GRIP2: variants seen among roughly 807,000 people sequenced by gnomAD.
GRIP2 encodes glutamate receptor-interacting protein 2.
GRIP2 carries 58 observed loss-of-function variants against 108.3 expected under a neutral mutation model. The ratio of observed to expected loss-of-function variants is 0.54; its 90% CI spans 0.43 to 0.67. GRIP2 has a LOEUF of 0.67. Ranked by LOEUF, GRIP2 falls within the 30% of genes least tolerant of loss-of-function variation. The pLI is 0.00. For synonymous variants in GRIP2, 586 were observed against 598.2 expected (o/e 0.98, Z 0.30); for missense variants, 1,278 against 1,430.6 (o/e 0.89, Z 1.72).
the GRIP2 span, among the ~76,000 whole-genome samples, chr3:14,586,809 C>G: frequency 7.1e-3 from 1,085 of 152,264 alleles, 14 homozygotes; most frequent in African/African-American, 0.024. Context: ...CATGGGGGAA[C>G]AGGTAAATAA....
intron 19 of GRIP2, among the ~76,000 whole-genome samples, 191 bp downstream of exon 19, chr3:14,506,610 T>C (rs940384940): frequency 5.3e-5 from 8 of 152,192 alleles, no homozygotes; most frequent in African/African-American, 1.7e-4. Context: ...CAGTCCATGC[T>C]TCCAGGAGCA....
At chr3:14,552,374 G>T (rs2124980897) in intron 1 of GRIP2, among the ~76,000 whole-genome samples, 1 of 152,340 alleles carries the variant, frequency 6.6e-6, no homozygotes, top group African/African-American at 2.4e-5. Context: ...AAGGACAGGG[G>T]TTTGTGTCTG....
Position 14,522,124 on chromosome 3 carries a change from C to T in GRIP2, c.567-337G>A, listed in dbSNP as rs73031893. 181 of 266,702 alleles carry T rather than the reference C, an allele frequency of 6.8e-4. 1 individual carries two copies. Among genetic ancestry groups the T allele is most frequent in the South Asian group, 1.7e-3 (23 of 13,154 alleles). 16.5% of individuals were successfully genotyped at this position (266,702 alleles called of 1,614,324 possible). On this transcript the variant is annotated intron_variant, in intron 6 of 23. Coordinates refer to ENST00000621039, the MANE Select transcript of GRIP2 (RefSeq NM_001080423.4). The surrounding 1 kb of genome is among the most constrained non-coding windows in gnomAD (Gnocchi z 4.3). ...TTCAAGCGTCACCCCCAACTCCTGC[C>T]TCAGGGACAAAGGACAGCACCAGGG... is the stretch of plus-strand genomic sequence containing the variant.
intron 20 of GRIP2, 131 bp from the exon 21 acceptor site, chr3:14,503,802 G>A: frequency 1.7e-6 from 1 of 603,416 alleles, no homozygotes; most frequent in Non-Finnish European, 2.9e-6. Flanking sequence ...CGGGCAGGCA[G>A]GCGGGCGTCC....
chr3:14,574,282 G>T, the GRIP2 span: 1 of 958,832 alleles, frequency 1.0e-6, no homozygotes, highest in Non-Finnish European at 1.7e-6. Flanking sequence ...TGGTTGTTGA[G>T]CCGTCCCACC....
In GRIP2 at chr3:14,517,115, G is replaced by T; in HGVS notation, c.1255C>A (p.Arg419=). The T allele has an allele frequency of 1.2e-6, 2 of 1,609,408 alleles. No individual in the cohort carries two copies. The highest frequency in any genetic ancestry group is 2.3e-5 in the East Asian group (1 of 44,358). The change falls in exon 11 of 24, where the codon CGA becomes AGA. Residue 419 remains arginine (R), a synonymous_variant. Coordinates refer to ENST00000621039, the MANE Select transcript of GRIP2 (RefSeq NM_001080423.4). The part of the protein sequence containing the change: ...LPRGSQPMSP[R]TTMGRRRQRR... ...TGCCTCCTCCGCCCCATTGTAGTTC[G>T]AGGACTCATGGGCTGGGATCCACGG...
intron 1 of GRIP2, among the ~76,000 whole-genome samples, chr3:14,549,248 A>G (rs1294039455): frequency 2.6e-5 from 4 of 152,268 alleles, no homozygotes; most frequent in South Asian, 4.1e-4. Context: ...CAATGCAGGA[A>G]TCCTCTCTGC....
chr3:14,506,813 A>C lies in GRIP2; in HGVS notation c.2386T>G (p.Phe796Val). The stretch of plus-strand genomic sequence containing the variant: ...CCCAAGGTATTACCTGGGCCCCCAA[A>C]GCCACCCTCGGTGGCCGAGCTGTCC... Reference protein sequence around the residue: ...SWDSSATEGGFGGPGSYTPQA... With the variant: ...SWDSSATEGGVGGPGSYTPQA... Residue 796 changes from phenylalanine to valine, a missense_variant, in exon 19 of 24, where the codon TTT becomes GTT. Phe to Val is a conservative substitution (Grantham distance 50, BLOSUM62 -1). Coordinates refer to ENST00000621039, the MANE Select transcript of GRIP2 (RefSeq NM_001080423.4). 1 of 1,599,968 alleles carries C rather than the reference A, an allele frequency of 6.3e-7. No individual in the cohort carries two copies. Among genetic ancestry groups the C allele is most frequent in the South Asian group, 1.1e-5 (1 of 88,688 alleles).
chr3:14,522,076 A>C lies in GRIP2; in HGVS notation c.567-289T>G. On this transcript the variant is annotated intron_variant, in intron 6 of 23. Coordinates refer to ENST00000621039, the MANE Select transcript of GRIP2 (RefSeq NM_001080423.4). This position sits in a 1 kb window ranked among gnomAD's most constrained non-coding sequence, Gnocchi z 4.3. ...TTCACAGACTCAGTGCAGAACCCTG[A>C]AATGTCTGAGCTGGGGGTGCTCTTC... 1 of 413,094 alleles carries C rather than the reference A, an allele frequency of 2.4e-6. No homozygotes were observed. Among genetic ancestry groups the C allele is most frequent in the South Asian group, 4.2e-5 (1 of 23,764 alleles). 25.6% of individuals were successfully genotyped at this position (413,094 alleles called of 1,614,324 possible).
At chr3:14,550,511 G>A (rs1018931906) in intron 1 of GRIP2, among the ~76,000 whole-genome samples, 49 of 152,182 alleles carry the variant, frequency 3.2e-4, no homozygotes, top group African/African-American at 1.1e-3. Flanking sequence ...CACCCTCCCC[G>A]CAGCGGCACC....
chr3:14,526,576 C>T (rs1051538353), intron 1 of GRIP2, among the ~76,000 whole-genome samples: 2 of 152,166 alleles, frequency 1.3e-5, no homozygotes, highest in Non-Finnish European at 2.9e-5. Context: ...GAAAGCGCTC[C>T]CTTGTGTTTC....
intron 1 of GRIP2, among the ~76,000 whole-genome samples, chr3:14,532,585 A>T (rs1457681174): frequency 6.6e-6 from 1 of 151,988 alleles, no homozygotes; most frequent in Non-Finnish European, 1.5e-5. Flanking sequence ...GGGGAACCAT[A>T]TCGCCCCCAA....
Position 14,523,476 on chromosome 3 carries a change from C to T in GRIP2, c.490+136G>A, listed in dbSNP as rs375002491. 1.0e-5 allele frequency: 7 copies of T among 668,062 alleles called. No individual in the cohort carries two copies. The East Asian group carries it at 1.1e-4, about 10-fold the overall frequency. 41.4% of individuals were successfully genotyped at this position (668,062 alleles called of 1,614,324 possible). ...GGCAGATTTTCCCACTGAATACTTA[C>T]CTTAACGGTCCTGTGTTCTTCAAAG... On this transcript the variant is annotated intron_variant, in intron 5 of 23. Transcript: ENST00000621039.
chr3:14,532,789 C>T (rs551900877), intron 1 of GRIP2, among the ~76,000 whole-genome samples: 3 of 151,582 alleles, frequency 2.0e-5, no homozygotes, highest in East Asian at 1.9e-4. Context: ...CGGGCCGGAT[C>T]CTGTAGAGTT....
intron 23 of GRIP2, among the ~76,000 whole-genome samples, chr3:14,494,388 A>G (rs1029229249): frequency 6.6e-6 from 1 of 152,278 alleles, no homozygotes; most frequent in African/African-American, 2.4e-5. Flanking sequence ...AGTGCCCAGT[A>G]CACGATGTCC....
At chr3:14,548,937 C>A (rs942245806) in intron 1 of GRIP2, among the ~76,000 whole-genome samples, 1 of 152,186 alleles carries the variant, frequency 6.6e-6, no homozygotes, top group African/African-American at 2.4e-5. Flanking sequence ...CAGTCTAATA[C>A]CCTCCACCCA....
At position 14,524,370 on chromosome 3, in the gene GRIP2, G is replaced by T. The variant is rs1269651951; in HGVS notation, c.403+23C>A. Reference sequence around the variant, plus strand: ...ACCCGCAACCGAGGCAGTGGAGAAAGTTCCCCGTCCAAGGGCACCCACCGG... The same window carrying T: ...ACCCGCAACCGAGGCAGTGGAGAAATTTCCCCGTCCAAGGGCACCCACCGG... On this transcript the variant is annotated intron_variant, in intron 4 of 23. Transcript: ENST00000621039. The T allele has an allele frequency of 2.5e-6, 4 of 1,604,362 alleles. No individual in the cohort carries two copies. The East Asian group carries it at 6.7e-5, about 27-fold the overall frequency.
At chr3:14,586,760 T>C in the GRIP2 span, among the ~76,000 whole-genome samples, 1 of 152,186 alleles carries the variant, frequency 6.6e-6, no homozygotes, top group Non-Finnish European at 1.5e-5. Flanking sequence ...TGCAGCCTTA[T>C]TTAAAAAGCC....
chr3:14,530,813 A>T (rs929130509), intron 1 of GRIP2, among the ~76,000 whole-genome samples: 1 of 152,242 alleles, frequency 6.6e-6, no homozygotes, highest in Non-Finnish European at 1.5e-5. Flanking sequence ...TAATCACATC[A>T]AAGTAAATGG....
Sources: gnomAD v4.1 joint callset for allele counts (sites outside exome capture counted in the v4.1 genomes callset) on GRCh38, gnomAD v4.1.1 for gene constraint, Gnocchi (gnomAD v3.1) non-coding constraint, MANE v1.5 for transcripts, NCBI Gene and HGNC (gene_info 2026-07-23, HGNC 2026-07-21) for gene names.